PDE4D: variants seen among roughly 807,000 people sequenced by gnomAD.
PDE4D encodes phosphodiesterase 4D.
Under a neutral mutation model 87.4 loss-of-function variants are expected in PDE4D, and 24 were observed. The observed-to-expected ratio is 0.27, with a 90% confidence interval of 0.20 to 0.39. The LOEUF (loss-of-function observed/expected upper bound fraction) is 0.39. Among genes scored for constraint, PDE4D ranks in the 10% least tolerant of loss-of-function variants. PDE4D has a pLI of 1.00. For missense variants in PDE4D, 714 were observed against 1,041.0 expected (o/e 0.69, Z 4.32); for synonymous variants, 384 against 383.2 (o/e 1.00, Z -0.02).
chr5:59,095,992 C>T (rs1769629396), intron 5 of PDE4D, among the ~76,000 whole-genome samples: 2 of 152,224 alleles, frequency 1.3e-5, no homozygotes, highest in South Asian at 4.1e-4. Context: ...GTACCATGTA[C>T]AAAGCCGTGT....
chr5:59,203,622 T>C (rs544903176), intron 2 of PDE4D, among the ~76,000 whole-genome samples: 62 of 150,120 alleles, frequency 4.1e-4, no homozygotes, highest in African/African-American at 1.2e-3. Context: ...GAAAATGTTA[T>C]ATACACACAC....
chr5:59,760,390 C>T (rs1761821815), intron 1 of PDE4D, among the ~76,000 whole-genome samples: 1 of 152,130 alleles, frequency 6.6e-6, no homozygotes, highest in African/African-American at 2.4e-5. Context: ...AGTACTTCTT[C>T]TACTGTTGGA....
chr5:59,661,815 A>T (rs1370230), intron 1 of PDE4D, among the ~76,000 whole-genome samples: 2 of 152,016 alleles, frequency 1.3e-5, no homozygotes, highest in African/African-American at 2.4e-5. Flanking sequence ...ATAAATGAGC[A>T]TTGTAGGCCA....
chr5:59,423,954 C>T (rs115786983), intron 1 of PDE4D, among the ~76,000 whole-genome samples: 46 of 151,766 alleles, frequency 3.0e-4, no homozygotes, highest in African/African-American at 8.2e-4. Flanking sequence ...ATAAAGTTAG[C>T]GGTTTTCAGG....
At chr5:60,022,328 T>G (rs1385860893) in intron 2 of PDE4D, among the ~76,000 whole-genome samples, 2 of 152,172 alleles carry the variant, frequency 1.3e-5, no homozygotes, top group Non-Finnish European at 2.9e-5. Flanking sequence ...AACAATAAAG[T>G]CACCATATTT....
chr5:60,066,242 A>G (rs1266358920), intron 2 of PDE4D, among the ~76,000 whole-genome samples: 1 of 152,032 alleles, frequency 6.6e-6, no homozygotes, highest in South Asian at 2.1e-4. Context: ...TCTTTTGAGA[A>G]GTGTCTGTTC....
intron 2 of PDE4D, among the ~76,000 whole-genome samples, chr5:60,025,003 C>T (rs556359103): frequency 6.6e-6 from 1 of 152,048 alleles, no homozygotes; most frequent in South Asian, 2.1e-4. Flanking sequence ...TCTGTGTGGG[C>T]AAGTTAGATT....
intron 1 of PDE4D, among the ~76,000 whole-genome samples, chr5:60,415,342 G>T (rs1003505195): frequency 6.6e-6 from 1 of 152,240 alleles, no homozygotes. Flanking sequence ...TGGCCTTGGC[G>T]CCCACTCTGG....
chr5:59,741,750 C>T (rs1054341708), intron 1 of PDE4D, among the ~76,000 whole-genome samples: 1 of 152,036 alleles, frequency 6.6e-6, no homozygotes, highest in Non-Finnish European at 1.5e-5. Context: ...GTAGTTAAAA[C>T]TAAACATTCT....
chr5:59,020,515 A>G lies in PDE4D; in HGVS notation c.921+18344T>C, dbSNP rs116554210. On this transcript the variant is annotated intron_variant, in intron 6 of 14. Coordinates refer to ENST00000340635, the MANE Select transcript of PDE4D (RefSeq NM_001104631.2). ...AAAGTGATGATGTCAGTAAAGACCC[A>G]AATCAGGGTCATATGTTTAACACCA... Among the ~76,000 whole-genome samples the G allele has an allele frequency of 5.8e-3, 879 of 152,220 alleles. 7 individuals carry two copies. The highest frequency in any genetic ancestry group is 0.02 in the African/African-American group (836 of 41,554).
At chr5:59,986,020 A>G (rs1182856707) in intron 3 of PDE4D, among the ~76,000 whole-genome samples, 1 of 152,250 alleles carries the variant, frequency 6.6e-6, no homozygotes, top group African/African-American at 2.4e-5. Context: ...ATGCTGGGAC[A>G]TAGACAATTC....
At chr5:59,258,887 A>G (rs1027280278) in intron 1 of PDE4D, among the ~76,000 whole-genome samples, 6 of 151,456 alleles carry the variant, frequency 4.0e-5, no homozygotes, top group African/African-American at 1.4e-4. Context: ...TTCCACATTC[A>G]TGTGACTTTA....
intron 1 of PDE4D, among the ~76,000 whole-genome samples, chr5:59,839,485 T>C (rs1581360870): frequency 6.6e-6 from 1 of 151,946 alleles, no homozygotes; most frequent in Non-Finnish European, 1.5e-5. Flanking sequence ...TCCTTACCAT[T>C]CAATTTTGCT....
intron 1 of PDE4D, among the ~76,000 whole-genome samples, chr5:59,325,762 T>G (rs535572651): frequency 4.1e-4 from 63 of 152,290 alleles, no homozygotes; most frequent in African/African-American, 1.5e-3. Flanking sequence ...GACAGTCTGC[T>G]TATTCACTAA....
At chr5:59,524,957 A>G (rs1009323412) in intron 1 of PDE4D, among the ~76,000 whole-genome samples, 3 of 152,230 alleles carry the variant, frequency 2.0e-5, no homozygotes, top group African/African-American at 7.2e-5. Context: ...AAATGCCTGG[A>G]TGTCCAGGCA....
At chr5:59,091,772 T>C (rs577832030) in intron 5 of PDE4D, among the ~76,000 whole-genome samples, 2 of 152,206 alleles carry the variant, frequency 1.3e-5, no homozygotes, top group Non-Finnish European at 2.9e-5. Flanking sequence ...AAAATTTAAA[T>C]TTTACATACT....
intron 1 of PDE4D, among the ~76,000 whole-genome samples, chr5:59,425,648 A>G (rs1036729681): frequency 5.9e-5 from 9 of 152,168 alleles, no homozygotes; most frequent in Middle Eastern, 3.2e-3. Flanking sequence ...ATAGAGTTCA[A>G]AATAAGGTGG....
intron 5 of PDE4D, among the ~76,000 whole-genome samples, chr5:59,047,166 C>A (rs185807908): frequency 1.7e-4 from 26 of 152,284 alleles, no homozygotes; most frequent in African/African-American, 5.3e-4. Context: ...AACTTAAATG[C>A]AAACATTCTA....
intron 1 of PDE4D, among the ~76,000 whole-genome samples, chr5:59,671,348 T>C (rs542907460): frequency 2.0e-5 from 3 of 152,324 alleles, no homozygotes; most frequent in East Asian, 3.9e-4. Context: ...GGATAACTCC[T>C]GTTTGGCTAG....
Sources: gnomAD v4.1 joint callset for allele counts (sites outside exome capture counted in the v4.1 genomes callset) on GRCh38, gnomAD v4.1.1 for gene constraint, MANE v1.5 for transcripts, NCBI Gene and HGNC (gene_info 2026-07-23, HGNC 2026-07-21) for gene names.